Variants in ZNF74 observed in about 807,000 individuals in gnomAD.
ZNF74 encodes zinc finger protein 74, also known as zinc finger protein 520.
ZNF74 carries 12 observed loss-of-function variants against 17.7 expected under a neutral mutation model. The ratio of observed to expected loss-of-function variants is 0.68; its 90% CI spans 0.43 to 1.10. ZNF74 has a LOEUF of 1.10. ZNF74 is among the 50% of genes least tolerant of loss of function. ZNF74 has a pLI of 0.00. For missense variants in ZNF74, 811 were observed against 881.0 expected (o/e 0.92, Z 1.01); for synonymous variants, 358 against 362.1 (o/e 0.99, Z 0.13).
intron 1 of ZNF74, 175 bp downstream of exon 1, chr22:20,394,837 T>C: frequency 1.6e-6 from 1 of 609,354 alleles, no homozygotes; most frequent in Non-Finnish European, 2.8e-6. Context: ...CTCCGCTCAC[T>C]GCAACCTCTG....
intron 2 of ZNF74, among the ~76,000 whole-genome samples, chr22:20,398,530 C>T (rs916721874): frequency 5.9e-5 from 9 of 152,092 alleles, no homozygotes; most frequent in African/African-American, 1.7e-4. Context: ...TTTGAGTACA[C>T]GTATGGCTGT....
At position 20,394,774 on chromosome 22, in the gene ZNF74, TTTA is replaced by T; in HGVS notation, c.34+113_34+115del. ...AGCATCCAGCATCTTTTTTTTTTTT[TTTA>T]AATGGAATCTCACTCTGTCACCCAG... On this transcript the variant is annotated intron_variant, in intron 1 of 4. Coordinates refer to ENST00000400451, the MANE Select transcript of ZNF74 (RefSeq NM_003426.4). 7 of 1,159,612 alleles carry T rather than the reference TTTA, an allele frequency of 6.0e-6. No individual in the cohort carries two copies. In the African/African-American group the frequency reaches 6.2e-5, roughly 10 times the overall value. The allele number at this position is 1,159,612 out of a possible 1,614,324, so 71.8% of individuals were successfully genotyped here. A position where few individuals can be genotyped will look rare whatever the true frequency, so the allele number is the denominator to read the frequency against.
intron 4 of ZNF74, among the ~76,000 whole-genome samples, 156 bp from the exon 5 acceptor site, chr22:20,405,221 G>A (rs1218239860): frequency 6.6e-6 from 1 of 152,066 alleles, no homozygotes; most frequent in African/African-American, 2.4e-5. Context: ...TCTCATCCTG[G>A]GCGCTCCCTT....
Position 20,406,409 on chromosome 22 carries a change from T to C in ZNF74, c.1376T>C (p.Leu459Pro), listed in dbSNP as rs1043910060. ...CGKGFSCHAYLLVHRRIHSGE... is the reference protein window; with the variant it reads ...CGKGFSCHAYPLVHRRIHSGE... ...AAGGGCTTCAGCTGCCACGCGTACC[T>C]GCTCGTGCACCGGCGCATCCACAGC... The change falls in exon 5 of 5, where the codon CTG becomes CCG. Residue 459 changes from leucine (L) to proline (P), a missense_variant. By Grantham distance (98) the Leu-to-Pro change is moderately conservative. Around this residue, in one of 3 missense-constraint regions of ZNF74, gnomAD observed 666 missense variants for 702.3 expected, o/e 0.95. Coordinates refer to ENST00000400451, the MANE Select transcript of ZNF74 (RefSeq NM_003426.4). The C allele has an allele frequency of 1.2e-5, 20 of 1,613,842 alleles. No homozygotes were observed. The highest frequency in any genetic ancestry group is 1.7e-5 in the Non-Finnish European group (20 of 1,180,004).
At position 20,401,180 on chromosome 22, in the gene ZNF74, C is replaced by G; in HGVS notation, c.248-97C>G. ...ACCTCCTGTTCCCAGAGAGGGTGTC[C>G]ACTTCACAGGCATTGTCCTTGTTAG... On this transcript the variant is annotated intron_variant, in intron 3 of 4. Transcript: ENST00000400451. This position sits in a 1 kb window ranked among gnomAD's most constrained non-coding sequence, Gnocchi z 4.2. 1 of 758,962 alleles carries G rather than the reference C, an allele frequency of 1.3e-6. No homozygotes were observed. The highest frequency in any genetic ancestry group is 2.2e-6 in the Non-Finnish European group (1 of 451,296). The allele number at this position is 758,962 out of a possible 1,614,324, so 47.0% of individuals were successfully genotyped here. A position where few individuals can be genotyped will look rare whatever the true frequency, so the allele number is the denominator to read the frequency against.
At position 20,405,567 on chromosome 22, in the gene ZNF74, A is replaced by T; in HGVS notation, c.534A>T (p.Glu178Asp). 1 of 1,610,630 alleles carries T rather than the reference A, an allele frequency of 6.2e-7. No homozygotes were observed. Among genetic ancestry groups the T allele is most frequent in the South Asian group, 1.1e-5 (1 of 90,750 alleles). The change falls in exon 5 of 5, where the codon GAA (glutamate) becomes GAT (aspartate). Residue 178 changes from glutamate to aspartate, a missense_variant. This residue lies in a region of ZNF74 where 666 missense variants were observed against 702.3 expected (regional missense o/e 0.95). Transcript: ENST00000400451. ...PAMVWDVPVE[E>D]FPLRCPLFAQ... ...TGGTCTGGGACGTCCCTGTAGAGGA[A>T]TTCCCCCTCAGGTGTCCCCTCTTCG...
chr22:20,399,461 G>T (rs2052332616), intron 2 of ZNF74: 1 of 247,804 alleles, frequency 4.0e-6, no homozygotes, highest in Non-Finnish European at 8.0e-6. Context: ...TGTAAAGTGG[G>T]TTTCTGTAGC....
intron 2 of ZNF74, among the ~76,000 whole-genome samples, chr22:20,397,326 A>T (rs2052306482): frequency 6.6e-6 from 1 of 152,148 alleles, no homozygotes; most frequent in African/African-American, 2.4e-5. Context: ...GTGTGTTCTC[A>T]GCATTTGTCC....
Position 20,406,831 on chromosome 22 carries a change from G to A in ZNF74, c.1798G>A (p.Gly600Ser). The change falls in exon 5 of 5, where the codon GGC (glycine) becomes AGC (serine). Residue 600 changes from glycine (G) to serine (S), a missense_variant. Gly to Ser is a moderately conservative substitution (Grantham distance 56, BLOSUM62 0). Coordinates refer to ENST00000400451, the MANE Select transcript of ZNF74 (RefSeq NM_003426.4). ...KHLLSTYYVP[G>S]SLLGAGDAGL... Reference sequence around the variant, plus strand: ...CCTGCTCAGCACATACTACGTGCCTGGCAGCCTGCTGGGTGCAGGGGATGC... The same window carrying A: ...CCTGCTCAGCACATACTACGTGCCTAGCAGCCTGCTGGGTGCAGGGGATGC... 1 of 1,614,068 alleles carries A rather than the reference G, an allele frequency of 6.2e-7. No homozygotes were observed. The highest frequency in any genetic ancestry group is 1.1e-5 in the South Asian group (1 of 91,088).
intron 2 of ZNF74, chr22:20,400,061 G>C: frequency 6.3e-6 from 1 of 158,778 alleles, no homozygotes; most frequent in Admixed American, 6.0e-5. Context: ...CCAGGCCCAG[G>C]GGGAGCAGGC....
intron 4 of ZNF74, among the ~76,000 whole-genome samples, chr22:20,404,919 G>A (rs904883721): frequency 2.6e-5 from 4 of 152,158 alleles, no homozygotes; most frequent in African/African-American, 7.2e-5. Context: ...CGGCCTGGGC[G>A]ACAGAGCGAG....
rs765391005 is a variant in ZNF74 at position 20,401,358 on chromosome 22, G to C, written c.329G>C (p.Arg110Thr). The C allele has an allele frequency of 1.2e-6, 2 of 1,606,824 alleles. No individual in the cohort carries two copies. Among genetic ancestry groups the C allele is most frequent in the African/African-American group, 2.7e-5 (2 of 74,758 alleles). ...TGGAGCATGCAGAGGGAAGTCCCCA[G>C]AGGGCCCTGTCCAGGTGAGCAGAGG... ...EPWSMQREVP[R>T]GPCPEWELKA... Residue 110 changes from arginine (R) to threonine (T), a missense_variant, in exon 4 of 5, where the codon AGA becomes ACA. Physicochemically the swap from Arg to Thr is moderately conservative, Grantham distance 71. This residue lies in a region of ZNF74 where 666 missense variants were observed against 702.3 expected (regional missense o/e 0.95). Transcript: ENST00000400451. This position sits in a 1 kb window ranked among gnomAD's most constrained non-coding sequence, Gnocchi z 4.2.
At chr22:20,398,843 C>T (rs1328410952) in intron 2 of ZNF74, among the ~76,000 whole-genome samples, 1 of 152,178 alleles carries the variant, frequency 6.6e-6, no homozygotes, top group Non-Finnish European at 1.5e-5. Context: ...TCAACTATAT[C>T]CTACAACTTT....
At chr22:20,404,972 G>T (rs2052397123) in intron 4 of ZNF74, among the ~76,000 whole-genome samples, 1 of 152,230 alleles carries the variant, frequency 6.6e-6, no homozygotes, top group Non-Finnish European at 1.5e-5. Context: ...ACATGTATTT[G>T]TCCTGTGTAT....
chr22:20,398,629 C>CA (rs2052324536), intron 2 of ZNF74, among the ~76,000 whole-genome samples: 1 of 152,042 alleles, frequency 6.6e-6, no homozygotes, highest in Admixed American at 6.5e-5. Context: ...TTGATCTTTT[C>CA]AAAAAACAAT....
chr22:20,404,679 C>T (rs1213909941), intron 4 of ZNF74, among the ~76,000 whole-genome samples: 1 of 152,168 alleles, frequency 6.6e-6, no homozygotes, highest in Non-Finnish European at 1.5e-5. Context: ...GGACTAGGCT[C>T]ATTTTGCTTC....
intron 1 of ZNF74, chr22:20,394,960 C>A: frequency 4.3e-6 from 2 of 469,820 alleles, no homozygotes; most frequent in Non-Finnish European, 7.6e-6. Flanking sequence ...GGGGTTTTGC[C>A]ATGTTTCCCA....
In ZNF74 at chr22:20,406,463, G is replaced by GC; in HGVS notation, c.1431dup (p.Gly478ArgfsTer48). 6.2e-7 allele frequency: 1 copy of GC among 1,614,064 alleles called. No homozygotes were observed. Among genetic ancestry groups the GC allele is most frequent in the Non-Finnish European group, 8.5e-7 (1 of 1,179,980 alleles). On this transcript the variant is annotated frameshift_variant, in exon 5 of 5. Coordinates refer to ENST00000400451, the MANE Select transcript of ZNF74 (RefSeq NM_003426.4). LOFTEE classifies it low-confidence loss of function (END_TRUNC). The stretch of plus-strand genomic sequence containing the variant: ...GAGAAGCCCTTCAAGTGCAACGAGT[G>GC]CGGCAAAGCCTTCAGCTCCCACGCC...
chr22:20,394,328 A>G lies in ZNF74; in HGVS notation c.-301A>G, dbSNP rs1394226134. On this transcript the variant is annotated 5_prime_UTR_variant, in exon 1 of 5. Coordinates refer to ENST00000400451, the MANE Select transcript of ZNF74 (RefSeq NM_003426.4). ...ACCTTAGGCCTGGCCCTGGTCTCCGAGCGCGGGTTCGCCGGGAGGAGCGTG... is the reference window on the plus strand; with the variant it reads ...ACCTTAGGCCTGGCCCTGGTCTCCGGGCGCGGGTTCGCCGGGAGGAGCGTG... 1.4e-6 allele frequency: 1 copy of G among 696,738 alleles called. No homozygotes were observed. Among genetic ancestry groups the G allele is most frequent in the Admixed American group, 2.1e-5 (1 of 48,106 alleles). The allele number at this position is 696,738 out of a possible 1,614,324, so 43.2% of individuals were successfully genotyped here.
Sources: gnomAD v4.1 joint callset for allele counts (sites outside exome capture counted in the v4.1 genomes callset) on GRCh38, gnomAD v4.1.1 for gene constraint, gnomAD v4.1.1 regional missense constraint, Gnocchi (gnomAD v3.1) non-coding constraint, MANE v1.5 for transcripts, NCBI Gene and HGNC (gene_info 2026-07-23, HGNC 2026-07-21) for gene names.